RASGRP3: variants seen among roughly 807,000 people sequenced by gnomAD.
RASGRP3 encodes the protein ras guanyl-releasing protein 3.
A neutral mutation model predicts 82.7 loss-of-function variants in RASGRP3; 54 were observed. The ratio of observed to expected loss-of-function variants is 0.65; its 90% CI spans 0.52 to 0.82. The LOEUF (loss-of-function observed/expected upper bound fraction) is 0.82. Among genes scored for constraint, RASGRP3 ranks in the 40% least tolerant of loss-of-function variants. The pLI, the probability that RASGRP3 is intolerant of heterozygous loss-of-function variation, is 0.00. For synonymous variants in RASGRP3, 309 were observed against 300.5 expected, an observed-to-expected ratio of 1.03 and a Z score of -0.29; for missense variants, 861 against 828.9, an observed-to-expected ratio of 1.04 and a Z score of -0.48.
Position 33,527,198 on chromosome 2 carries a change from C to A in RASGRP3, c.869C>A (p.Ala290Asp), listed in dbSNP as rs758815762. Reference sequence around the variant, plus strand: ...GGCAATTACTGCAATTACCGCAAGGCCTTTGCCGACTGCGATGGCTTCAAA... The same window carrying A: ...GGCAATTACTGCAATTACCGCAAGGACTTTGCCGACTGCGATGGCTTCAAA... ...SNGNYCNYRK[A>D]FADCDGFKIP... is the part of the protein sequence containing the mutation. The change falls in exon 10 of 18, where the codon GCC (alanine) becomes GAC (aspartate). Residue 290 changes from alanine to aspartate, a missense_variant. Physicochemically the swap from Ala to Asp is moderately radical, Grantham distance 126. Transcript: ENST00000403687. 6.2e-7 allele frequency: 1 copy of A among 1,614,026 alleles called. No individual in the cohort carries two copies.
At chr2:33,476,873 T>C (rs1667429185) in intron 1 of RASGRP3, among the ~76,000 whole-genome samples, 166 bp downstream of exon 1, 1 of 152,036 alleles carries the variant, frequency 6.6e-6, no homozygotes, top group African/African-American at 2.4e-5. Flanking sequence ...TATTTGTACC[T>C]GTTAACAGCC....
chr2:33,536,752 G>A (rs1673652204), intron 11 of RASGRP3, among the ~76,000 whole-genome samples: 2 of 152,166 alleles, frequency 1.3e-5, no homozygotes, highest in South Asian at 2.1e-4. Context: ...GTCCTGTTGA[G>A]ATGGGAGAGT....
chr2:33,480,414 G>A (rs1667790769), intron 1 of RASGRP3, among the ~76,000 whole-genome samples: 1 of 152,162 alleles, frequency 6.6e-6, no homozygotes, highest in East Asian at 1.9e-4. Context: ...CAACTCAGTA[G>A]TAGTCAGTGA....
intron 2 of RASGRP3, among the ~76,000 whole-genome samples, chr2:33,466,615 G>T (rs1255131426): frequency 3.3e-5 from 5 of 151,528 alleles, no homozygotes; most frequent in Non-Finnish European, 7.4e-5. Context: ...GGAGGTGGAG[G>T]TTGCAATCAG....
intron 12 of RASGRP3, among the ~76,000 whole-genome samples, chr2:33,542,329 T>A (rs1674355797): frequency 6.8e-6 from 1 of 146,814 alleles, no homozygotes; most frequent in African/African-American, 2.4e-5. Flanking sequence ...TTTTGATTAA[T>A]GTAGCTGTGT....
intron 6 of RASGRP3, 142 bp downstream of exon 6, chr2:33,520,826 C>A (rs1052971058): frequency 1.5e-5 from 17 of 1,132,628 alleles, no homozygotes; most frequent in East Asian, 1.4e-4. Context: ...GCAGTGAGCG[C>A]AAGCCGTATG....
At position 33,527,412 on chromosome 2, in the gene RASGRP3, G is replaced by A. The variant is rs368802469; in HGVS notation, c.1083G>A (p.Thr361=). 1,525 of 1,610,698 alleles carry A rather than the reference G, an allele frequency of 9.5e-4. 26 individuals are homozygous for A. In the South Asian group the frequency reaches 0.015, roughly 16 times the overall value. ...EPNMDLINLL[T]LSLDLYHTED... Reference sequence around the variant, plus strand: ...ACATGGATTTGATCAACCTGCTCACGGTGAGTTCCAAGGAGCCAAGTTTGG... The same window carrying A: ...ACATGGATTTGATCAACCTGCTCACAGTGAGTTCCAAGGAGCCAAGTTTGG... Residue 361 remains threonine (T), a splice_region_variant and synonymous_variant, in exon 10 of 18, where the codon ACG becomes ACA. Transcript: ENST00000403687.
chr2:33,470,405 A>C (rs982384225), intron 2 of RASGRP3, among the ~76,000 whole-genome samples: 39 of 141,266 alleles, frequency 2.8e-4, no homozygotes, highest in Non-Finnish European at 4.4e-4. Flanking sequence ...TTTGAGATGG[A>C]GTCTCACTCT....
At chr2:33,485,523 G>A (rs1033085206) in intron 1 of RASGRP3, among the ~76,000 whole-genome samples, 12 of 152,192 alleles carry the variant, frequency 7.9e-5, no homozygotes, top group African/African-American at 2.4e-4. Flanking sequence ...ATCTCAGATG[G>A]TGACAGGTAT....
At chr2:33,436,707 A>G (rs554655308) in intron 1 of RASGRP3, 2 of 152,364 alleles carry the variant, frequency 1.3e-5, no homozygotes, top group South Asian at 2.1e-4. Flanking sequence ...TAACTTTTCA[A>G]TATGCTTTGC....
intron 2 of RASGRP3, among the ~76,000 whole-genome samples, chr2:33,469,767 T>G (rs1448042303): frequency 6.6e-6 from 1 of 152,176 alleles, no homozygotes; most frequent in African/African-American, 2.4e-5. Context: ...CTGTACAGCG[T>G]TTTTATGTTT....
chr2:33,469,399 C>G (rs1450413506), intron 2 of RASGRP3, among the ~76,000 whole-genome samples: 1 of 151,542 alleles, frequency 6.6e-6, no homozygotes, highest in Non-Finnish European at 1.5e-5. Flanking sequence ...AGTATTTAAT[C>G]ATGATTAAAA....
Position 33,562,763 on chromosome 2 carries a change from A to G in RASGRP3, c.*26A>G. 6 of 1,612,448 alleles carry G rather than the reference A, an allele frequency of 3.7e-6. No homozygotes were observed. The highest frequency in any genetic ancestry group is 2.7e-5 in the African/African-American group (2 of 75,024). On this transcript the variant is annotated 3_prime_UTR_variant, in exon 18 of 18. Coordinates refer to ENST00000403687, the MANE Select transcript of RASGRP3 (RefSeq NM_001139488.2). ...CTTCAGGCTGCGGAAACTGAAGGCA[A>G]TAATGTTGGCTTTTGGAAGGGGCAA...
chr2:33,450,274 A>T (rs1363214166), intron 2 of RASGRP3, among the ~76,000 whole-genome samples: 2 of 152,092 alleles, frequency 1.3e-5, no homozygotes, highest in Non-Finnish European at 2.9e-5. Context: ...CCTCTTAGCA[A>T]TTTTCAAGTA....
upstream of RASGRP3, among the ~76,000 whole-genome samples, chr2:33,472,536 A>T (rs1424803408): frequency 1.3e-5 from 2 of 152,188 alleles, no homozygotes; most frequent in Non-Finnish European, 2.9e-5. Context: ...ATGAGAAGAG[A>T]GGATTTTCAC....
At chr2:33,534,247 T>G (rs986751278) in intron 10 of RASGRP3, 76 bp from the exon 11 acceptor site, 3 of 1,048,866 alleles carry the variant, frequency 2.9e-6, no homozygotes, top group South Asian at 1.4e-5. Flanking sequence ...AACATTCAAC[T>G]TGAAAAAAAA....
intron 14 of RASGRP3, among the ~76,000 whole-genome samples, chr2:33,553,500 T>G (rs1675579720): frequency 6.6e-6 from 1 of 152,180 alleles, no homozygotes; most frequent in African/African-American, 2.4e-5. Context: ...AGAAAGAATT[T>G]CCAGGTTGTG....
At position 33,469,310 on chromosome 2, in the gene RASGRP3, A is replaced by G. The variant is rs141958181; in HGVS notation, c.-261+21367A>G. The stretch of plus-strand genomic sequence containing the variant: ...ATTATATTTTACATATATGTTTTAT[A>G]TTTTATGGTTTAAATCGTGAACTTT... On this transcript the variant is annotated intron_variant, in intron 2 of 18. Transcript: ENST00000402538. Among the ~76,000 whole-genome samples the G allele has an allele frequency of 5.9e-3, 892 of 152,188 alleles. 8 individuals carry two copies. Among genetic ancestry groups the G allele is most frequent in the Middle Eastern group, 0.051 (15 of 294 alleles).
rs13412776 is a variant in RASGRP3, at chr2:33,558,326, G to A, written c.1695G>A (p.Ser565=). ...SGHGSLPGSP[S]LPPAQDEVFE... is the part of the protein sequence containing the mutation. ...ATGGGTCACTGCCTGGAAGCCCCTC[G>A]CTGCCCCCAGGTAATGCCCTCTGCT... The change falls in exon 16 of 18, where the codon TCG becomes TCA. Residue 565 remains serine (S), a synonymous_variant. Coordinates refer to ENST00000403687, the MANE Select transcript of RASGRP3 (RefSeq NM_001139488.2). 8.1e-3 allele frequency: 13,109 copies of A among 1,613,240 alleles called. 899 individuals are homozygous for A. In the African/African-American group the frequency reaches 0.15, roughly 18 times the overall value.
Sources: allele counts gnomAD v4.1 joint callset (sites outside exome capture counted in the v4.1 genomes callset), GRCh38; gene constraint gnomAD v4.1.1; transcripts MANE v1.5; gene names NCBI Gene and HGNC (gene_info 2026-07-23, HGNC 2026-07-21).